The following RASA3 variants were observed in gnomAD, a reference collection of about 807,000 sequenced individuals.
RASA3 encodes the protein RAS p21 protein activator 3.
Under a neutral mutation model 110.0 loss-of-function variants are expected in RASA3, and 73 were observed. The ratio of observed to expected loss-of-function variants is 0.66; its 90% CI spans 0.55 to 0.81. The LOEUF (loss-of-function observed/expected upper bound fraction) is 0.81. Ranked by LOEUF, RASA3 falls within the 30% of genes least tolerant of loss-of-function variation. The pLI, the probability that RASA3 is intolerant of heterozygous loss-of-function variation, is 0.00. For missense variants in RASA3, 976 were observed against 1,113.2 expected, an observed-to-expected ratio of 0.88 and a Z score of 1.75; for synonymous variants, 500 against 451.4, an observed-to-expected ratio of 1.11 and a Z score of -1.37.
At chr13:114,058,029 G>A (rs914172169) in intron 2 of RASA3, among the ~76,000 whole-genome samples, 25 of 152,142 alleles carry the variant, frequency 1.6e-4, no homozygotes, top group Non-Finnish European at 3.4e-4. Context: ...CCAGGTGTGC[G>A]TTTTCCTCAC....
chr13:114,004,163 G>A (rs1267049883), intron 18 of RASA3, among the ~76,000 whole-genome samples: 2 of 152,206 alleles, frequency 1.3e-5, no homozygotes, highest in Non-Finnish European at 2.9e-5. Context: ...GTGACCCAGA[G>A]ATGATCCAGG....
intron 1 of RASA3, among the ~76,000 whole-genome samples, chr13:114,081,398 C>T (rs1331301699): frequency 2.0e-5 from 3 of 152,228 alleles, no homozygotes; most frequent in Non-Finnish European, 2.9e-5. Flanking sequence ...GGCCGCATCA[C>T]CCAGCACTCT....
chr13:114,038,382 A>C (rs1158033870), intron 4 of RASA3, among the ~76,000 whole-genome samples: 1 of 152,258 alleles, frequency 6.6e-6, no homozygotes, highest in Non-Finnish European at 1.5e-5. Context: ...ATGCGAGGAC[A>C]GTCATTAGTT....
At chr13:114,061,456 G>A (rs1489205817) in intron 2 of RASA3, among the ~76,000 whole-genome samples, 2 of 151,866 alleles carry the variant, frequency 1.3e-5, no homozygotes, top group Non-Finnish European at 2.9e-5. Context: ...GGATCATGAG[G>A]TCAAGAGATT....
intron 2 of RASA3, among the ~76,000 whole-genome samples, chr13:114,055,665 A>C (rs2079232167): frequency 6.6e-6 from 1 of 152,238 alleles, no homozygotes; most frequent in African/African-American, 2.4e-5. Context: ...AGGGCCACTG[A>C]GGCCTAAGTG....
intron 1 of RASA3, among the ~76,000 whole-genome samples, chr13:114,078,815 G>A (rs1354703051): frequency 1.3e-5 from 2 of 152,212 alleles, no homozygotes; most frequent in African/African-American, 4.8e-5. Context: ...GGGTTAGGAT[G>A]CCCAGGCTTC....
chr13:114,052,963 A>G (rs2079174382), intron 2 of RASA3, among the ~76,000 whole-genome samples: 2 of 79,760 alleles, frequency 2.5e-5, no homozygotes, highest in African/African-American at 6.4e-5. Flanking sequence ...TGGGGGAGAA[A>G]TCGCCACTGC....
At chr13:114,116,668 C>T (rs570493793) in intron 1 of RASA3, among the ~76,000 whole-genome samples, 1 of 152,364 alleles carries the variant, frequency 6.6e-6, no homozygotes, top group African/African-American at 2.4e-5. Context: ...ATTAACTCTG[C>T]AAATACAGTT....
intron 2 of RASA3, among the ~76,000 whole-genome samples, chr13:114,068,576 G>A (rs907134296): frequency 2.0e-5 from 3 of 152,228 alleles, no homozygotes; most frequent in Admixed American, 1.3e-4. Flanking sequence ...GCCTTGGGGA[G>A]CGGGGTCATC....
At chr13:114,127,228 T>A (rs1233491524) in intron 1 of RASA3, among the ~76,000 whole-genome samples, 1 of 152,214 alleles carries the variant, frequency 6.6e-6, no homozygotes, top group Admixed American at 6.5e-5. Context: ...AAGAAGCAAG[T>A]CAAAGTGTTT....
chr13:114,043,841 CCCGCCCCGCCTCACTCGCTGAG>C (rs2078986673), intron 3 of RASA3, among the ~76,000 whole-genome samples: 1 of 67,298 alleles, frequency 1.5e-5, no homozygotes. Context: ...CGCTGAGCCC[CCCGCCCCGCCTCACTCGCTGAG>C]CCCCCCCGCC....
rs374674228 is a variant in RASA3 at position 114,112,618 on chromosome 13, G to A, written c.55+19817C>T. Among the ~76,000 whole-genome samples the A allele has an allele frequency of 1.4e-3, 211 of 152,146 alleles. 8 individuals are homozygous for A. In the South Asian group the frequency reaches 0.043, roughly 31 times the overall value. On this transcript the variant is annotated intron_variant, in intron 1 of 23. Coordinates refer to ENST00000334062, the MANE Select transcript of RASA3 (RefSeq NM_007368.4). This position sits in a 1 kb window ranked among gnomAD's most constrained non-coding sequence, Gnocchi z 4.8. The stretch of plus-strand genomic sequence containing the variant: ...ATGGGGACCCCGCTAGGAGAGCCCC[G>A]GGTTAAGGGTTGGTAACTGGAGAAT...
rs769516969 is a variant in RASA3 at position 114,052,092 on chromosome 13, G to A, written c.237C>T (p.Tyr79=). 2 of 1,613,110 alleles carry A rather than the reference G, an allele frequency of 1.2e-6. No individual in the cohort carries two copies. Among genetic ancestry groups the A allele is most frequent in the Non-Finnish European group, 1.7e-6 (2 of 1,179,492 alleles). The change falls in exon 3 of 24, where the codon TAC becomes TAT. Residue 79 remains tyrosine (Y), a synonymous_variant. Coordinates refer to ENST00000334062, the MANE Select transcript of RASA3 (RefSeq NM_007368.4). ...IPRSFRHLSF[Y]IFDRDVFRRD... is the part of the protein sequence containing the mutation. ...TCCGGAAAACGTCTCTATCGAAAAT[G>A]TAGAAGGACAGGTGACGAAAGCTCC...
intron 1 of RASA3, among the ~76,000 whole-genome samples, chr13:114,075,418 GAGC>G (rs1379882370): frequency 2.0e-5 from 3 of 152,356 alleles, no homozygotes; most frequent in Admixed American, 1.3e-4. Context: ...CTGTGAGAAG[GAGC>G]AGAAGCCCCA....
At chr13:114,031,583 C>A (rs2054170658) in intron 4 of RASA3, among the ~76,000 whole-genome samples, 1 of 151,768 alleles carries the variant, frequency 6.6e-6, no homozygotes, top group African/African-American at 2.4e-5. Context: ...ACTGTGTGTG[C>A]ATGTCTGCCT....
chr13:114,001,873 T>G (rs567375555), intron 18 of RASA3, among the ~76,000 whole-genome samples: 2 of 152,240 alleles, frequency 1.3e-5, no homozygotes, highest in African/African-American at 4.8e-5. Flanking sequence ...ACCTGCCCCC[T>G]CAGGGCCAGC....
intron 4 of RASA3, among the ~76,000 whole-genome samples, chr13:114,032,330 C>G (rs74116435): frequency 0.016 from 2,481 of 152,240 alleles, 69 homozygotes; most frequent in African/African-American, 0.056. Context: ...GACAAAGCTT[C>G]TCCTCCTTAA....
intron 8 of RASA3, among the ~76,000 whole-genome samples, chr13:114,023,446 T>G (rs910456910): frequency 5.9e-5 from 9 of 152,210 alleles, no homozygotes; most frequent in Non-Finnish European, 1.2e-4. Flanking sequence ...ATTCGGGGGC[T>G]TCAGGGGAGG....
chr13:114,056,953 TG>T lies in RASA3; in HGVS notation c.174-4799del. On this transcript the variant is annotated intron_variant, in intron 2 of 23. Transcript: ENST00000334062. The surrounding 1 kb of genome is among the most constrained non-coding windows in gnomAD (Gnocchi z 5.7). ...AATCGCAGCAGGGGAGGCAGCGCTT[TG>T]GGGCCCTCTGTCAGGCTGCCCCCCC... Among the ~76,000 whole-genome samples, 1 of 152,244 alleles carries T rather than the reference TG, an allele frequency of 6.6e-6. No homozygotes were observed. Among genetic ancestry groups the T allele is most frequent in the African/African-American group, 2.4e-5 (1 of 41,554 alleles).
Sources: allele counts gnomAD v4.1 joint callset (sites outside exome capture counted in the v4.1 genomes callset), GRCh38; gene constraint gnomAD v4.1.1; non-coding constraint Gnocchi (gnomAD v3.1); transcripts MANE v1.5; gene names NCBI Gene and HGNC (gene_info 2026-07-23, HGNC 2026-07-21).